NR3C1: variants seen among roughly 807,000 people sequenced by gnomAD.
NR3C1 encodes nuclear receptor subfamily 3 group C member 1.
NR3C1 carries 14 observed loss-of-function variants against 74.0 expected under a neutral mutation model. That is an observed-to-expected ratio of 0.19 (90% CI 0.12 to 0.30). The LOEUF (loss-of-function observed/expected upper bound fraction) is 0.30. NR3C1 is among the 10% of genes least tolerant of loss of function. NR3C1 has a pLI of 1.00. For synonymous variants in NR3C1, 308 were observed against 332.5 expected, an observed-to-expected ratio of 0.93 and a Z score of 0.80; for missense variants, 695 against 909.8, an observed-to-expected ratio of 0.76 and a Z score of 3.04.
At chr5:143,296,980 A>G (rs140977652) in intron 6 of NR3C1, among the ~76,000 whole-genome samples, 2 of 149,474 alleles carry the variant, frequency 1.3e-5, no homozygotes, top group African/African-American at 4.9e-5. Context: ...CGGGAGGCTG[A>G]GGCAGAGAAT....
chr5:143,382,272 C>T (rs1165793050), intron 2 of NR3C1, among the ~76,000 whole-genome samples: 2 of 152,024 alleles, frequency 1.3e-5, no homozygotes, highest in Non-Finnish European at 2.9e-5. Flanking sequence ...TAAAACATGA[C>T]CTGTACCCCA....
At chr5:143,289,506 T>C (rs746107915) in intron 7 of NR3C1, among the ~76,000 whole-genome samples, 2 of 152,218 alleles carry the variant, frequency 1.3e-5, no homozygotes, top group Non-Finnish European at 2.9e-5. Context: ...TAACCCTGGA[T>C]TAAGCAAAAC....
At chr5:143,398,428 T>A (rs1192664861) in intron 2 of NR3C1, among the ~76,000 whole-genome samples, 1 of 149,732 alleles carries the variant, frequency 6.7e-6, no homozygotes, top group Non-Finnish European at 1.5e-5. Context: ...AATTCTAAAT[T>A]ATTTCCCTAA....
At chr5:143,373,972 A>C (rs1225430625) in intron 2 of NR3C1, among the ~76,000 whole-genome samples, 2 of 152,188 alleles carry the variant, frequency 1.3e-5, no homozygotes, top group Non-Finnish European at 2.9e-5. Flanking sequence ...ATGTGTTAAG[A>C]TAAGCTCCTA....
At position 143,278,197 on chromosome 5, in the gene NR3C1, G is replaced by A. The variant is rs1812619887; in HGVS notation, c.*3692C>T. The stretch of plus-strand genomic sequence containing the variant: ...CTACAACTTTTATTTTTAAACAGGA[G>A]TCACTGGTTTTAATTTTTACACATT... On this transcript the variant is annotated 3_prime_UTR_variant, in exon 9 of 9. Coordinates refer to ENST00000394464, the MANE Select transcript of NR3C1 (RefSeq NM_000176.3). 2 of 151,862 alleles carry A rather than the reference G, an allele frequency of 1.3e-5. No individual in the cohort carries two copies. The highest frequency in any genetic ancestry group is 1.3e-4 in the Admixed American group (2 of 15,256). The allele number at this position is 151,862 out of a possible 1,614,324, so 9.4% of individuals were successfully genotyped here.
chr5:143,393,056 C>A lies in NR3C1; in HGVS notation c.1184+6600G>T, dbSNP rs189944889. 2.3e-3 allele frequency among the ~76,000 whole-genome samples: 354 copies of A among 152,238 alleles called. 2 individuals are homozygous for A. The highest frequency in any genetic ancestry group is 8.1e-3 in the African/African-American group (337 of 41,536). On this transcript the variant is annotated intron_variant, in intron 2 of 8. Transcript: ENST00000394464. ...GTAGAATTAGGGAAACTCTCAAGTT[C>A]TTTTAAGTTCTAATCTAAAATAACT...
intron 2 of NR3C1, among the ~76,000 whole-genome samples, chr5:143,388,335 C>G (rs536997313): frequency 7.9e-5 from 12 of 152,294 alleles, no homozygotes; most frequent in African/African-American, 2.9e-4. Flanking sequence ...GTGATATTCA[C>G]TATCTGCTGA....
chr5:143,292,082 G>A (rs1199061988), intron 7 of NR3C1, among the ~76,000 whole-genome samples: 1 of 152,154 alleles, frequency 6.6e-6, no homozygotes, highest in African/African-American at 2.4e-5. Context: ...TTTAGTGTGA[G>A]GTTTCATGCT....
intron 2 of NR3C1, among the ~76,000 whole-genome samples, chr5:143,368,534 TAC>T (rs201482184): frequency 0.16 from 22,781 of 144,604 alleles, 2,063 homozygotes; most frequent in Non-Finnish European, 0.22. Context: ...ATATTCTAGA[TAC>T]ACACACACAC....
chr5:143,329,654 G>T (rs1407960850), intron 2 of NR3C1, among the ~76,000 whole-genome samples: 4 of 152,106 alleles, frequency 2.6e-5, no homozygotes, highest in Non-Finnish European at 5.9e-5. Flanking sequence ...ATAATAATTA[G>T]AGGATGTTAG....
rs1167366107 is a variant in NR3C1, at chr5:143,344,271, G to A, written c.1185-30103C>T. ...AAGTTTGCTTTTCTAATATTATAAA[G>A]CCAATTCTTAAATTTTATTTCAGCA... On this transcript the variant is annotated intron_variant, in intron 2 of 8. Coordinates refer to ENST00000394464, the MANE Select transcript of NR3C1 (RefSeq NM_000176.3). Among the ~76,000 whole-genome samples, 37 of 152,082 alleles carry A rather than the reference G, an allele frequency of 2.4e-4. 1 individual carries two copies. The highest frequency in any genetic ancestry group is 2.4e-3 in the Admixed American group (36 of 15,262).
chr5:143,376,781 T>C (rs1461810806), intron 2 of NR3C1, among the ~76,000 whole-genome samples: 1 of 152,218 alleles, frequency 6.6e-6, no homozygotes, highest in East Asian at 1.9e-4. Context: ...TCCGTATTTT[T>C]CTTACTGCAT....
chr5:143,395,666 A>C (rs1839058610), intron 2 of NR3C1, among the ~76,000 whole-genome samples: 1 of 151,890 alleles, frequency 6.6e-6, no homozygotes, highest in African/African-American at 2.4e-5. Flanking sequence ...AGGAATAATC[A>C]TTAAAGTAAA....
At chr5:143,318,449 C>A (rs1822639693) in intron 2 of NR3C1, among the ~76,000 whole-genome samples, 1 of 152,062 alleles carries the variant, frequency 6.6e-6, no homozygotes, top group South Asian at 2.1e-4. Flanking sequence ...ATGCATTAGT[C>A]ATCTGGAAAA....
At chr5:143,282,771 TC>T (rs780072937) in intron 7 of NR3C1, 46 bp from the exon 8 acceptor site, 5 of 1,582,350 alleles carry the variant, frequency 3.2e-6, no homozygotes, top group East Asian at 2.2e-5. Flanking sequence ...CTTTTTCTTT[TC>T]TTTTCTTTTT....
chr5:143,306,798 A>G (rs1819687645), intron 4 of NR3C1, among the ~76,000 whole-genome samples: 1 of 151,840 alleles, frequency 6.6e-6, no homozygotes. Flanking sequence ...GATACGTTAT[A>G]CTGACTATAA....
intron 1 of NR3C1, among the ~76,000 whole-genome samples, chr5:143,402,088 A>G (rs1840390742): frequency 6.6e-6 from 1 of 152,202 alleles, no homozygotes; most frequent in Admixed American, 6.5e-5. Context: ...ATATGAAGGT[A>G]GAGAGAGGGG....
chr5:143,310,642 T>C (rs1820705783), intron 3 of NR3C1, among the ~76,000 whole-genome samples: 1 of 152,064 alleles, frequency 6.6e-6, no homozygotes, highest in Non-Finnish European at 1.5e-5. Context: ...CACAGTTTGA[T>C]AGATTATGTT....
chr5:143,397,933 C>G (rs1484960577), intron 2 of NR3C1, among the ~76,000 whole-genome samples: 1 of 151,830 alleles, frequency 6.6e-6, no homozygotes, highest in Non-Finnish European at 1.5e-5. Context: ...CTTGCCTTTT[C>G]TTTATAGTAA....
Sources: gnomAD v4.1 joint callset for allele counts (sites outside exome capture counted in the v4.1 genomes callset) on GRCh38, gnomAD v4.1.1 for gene constraint, MANE v1.5 for transcripts, NCBI Gene and HGNC (gene_info 2026-07-23, HGNC 2026-07-21) for gene names.